Variants in ROBO2 observed in about 807,000 individuals in gnomAD.
ROBO2 encodes the protein roundabout homolog 2.
ROBO2 carries 53 observed loss-of-function variants against 160.8 expected under a neutral mutation model. The observed-to-expected ratio is 0.33, with a 90% CI of 0.26 to 0.41. ROBO2 has a LOEUF of 0.41. Ranked by LOEUF, ROBO2 falls within the 10% of genes least tolerant of loss-of-function variation. The pLI, the probability that ROBO2 is intolerant of heterozygous loss-of-function variation, is 1.00. For synonymous variants in ROBO2, 664 were observed against 611.7 expected, an observed-to-expected ratio of 1.09 and a Z score of -1.26; for missense variants, 1,577 against 1,722.4, an observed-to-expected ratio of 0.92 and a Z score of 1.49.
At chr3:77,312,485 G>A (rs913376363) in intron 2 of ROBO2, among the ~76,000 whole-genome samples, 5 of 152,186 alleles carry the variant, frequency 3.3e-5, no homozygotes, top group Non-Finnish European at 5.9e-5. Flanking sequence ...GTGAATGAGG[G>A]TGTTTTAATT....
chr3:77,584,636 C>T (rs1041348764), intron 16 of ROBO2, among the ~76,000 whole-genome samples: 1 of 151,942 alleles, frequency 6.6e-6, no homozygotes, highest in African/African-American at 2.4e-5. Flanking sequence ...ATATTAAAAG[C>T]ATTGTAGAGA....
intron 1 of ROBO2, among the ~76,000 whole-genome samples, chr3:75,915,073 G>C (rs968638312): frequency 6.6e-6 from 1 of 152,126 alleles, no homozygotes; most frequent in Non-Finnish European, 1.5e-5. Flanking sequence ...GCAACCAACT[G>C]TCTCCTTGTG....
chr3:77,344,485 G>A (rs2067412625), intron 2 of ROBO2, among the ~76,000 whole-genome samples: 1 of 152,122 alleles, frequency 6.6e-6, no homozygotes, highest in Non-Finnish European at 1.5e-5. Context: ...AGAGGCCCAA[G>A]AAAGCTCTCT....
At chr3:76,146,665 C>T (rs2071901095) in intron 2 of ROBO2, among the ~76,000 whole-genome samples, 1 of 150,014 alleles carries the variant, frequency 6.7e-6, no homozygotes, top group African/African-American at 2.4e-5. Context: ...TTAATAGTCC[C>T]CATTCTCACT....
intron 2 of ROBO2, among the ~76,000 whole-genome samples, chr3:76,980,619 G>T (rs1200097611): frequency 6.6e-6 from 1 of 151,816 alleles, no homozygotes; most frequent in Admixed American, 6.6e-5. Flanking sequence ...TTGGGAAGTG[G>T]GTTTAACTTT....
intron 2 of ROBO2, among the ~76,000 whole-genome samples, chr3:77,014,248 T>G (rs371773401): frequency 2.9e-4 from 44 of 152,202 alleles, no homozygotes; most frequent in African/African-American, 9.7e-4. Flanking sequence ...TCCCTGTCTC[T>G]TATTCTACAT....
At chr3:77,305,656 T>C (rs986074403) in intron 2 of ROBO2, among the ~76,000 whole-genome samples, 3 of 152,108 alleles carry the variant, frequency 2.0e-5, no homozygotes, top group Admixed American at 6.5e-5. Context: ...GCCTGAAGAG[T>C]AGCACCTTTC....
chr3:77,584,791 C>T (rs1583106168), intron 16 of ROBO2, among the ~76,000 whole-genome samples: 1 of 151,784 alleles, frequency 6.6e-6, no homozygotes, highest in South Asian at 2.1e-4. Context: ...GAAAGAAATA[C>T]AGGTATACCA....
intron 2 of ROBO2, among the ~76,000 whole-genome samples, chr3:76,212,829 A>G (rs1394693822): frequency 7.5e-6 from 1 of 133,346 alleles, no homozygotes; most frequent in Non-Finnish European, 1.6e-5. Context: ...ATACCTTGGT[A>G]CTAACCCATG....
In ROBO2 at chr3:76,036,306, C is replaced by T. The variant is rs940412937; in HGVS notation, c.109+98704C>T. Among the ~76,000 whole-genome samples, 18 of 150,754 alleles carry T rather than the reference C, an allele frequency of 1.2e-4. 1 individual carries two copies. The highest frequency in any genetic ancestry group is 3.4e-4 in the African/African-American group (14 of 40,828). ...CTGGGATTACAGGCACCTGCCACCA[C>T]GCCCAGTTAATTTTTGTATTTTTAG... On this transcript the variant is annotated intron_variant, in intron 2 of 26. Transcript: ENST00000487694.
chr3:77,483,397 G>T (rs1412320139), intron 4 of ROBO2, among the ~76,000 whole-genome samples: 2 of 151,884 alleles, frequency 1.3e-5, no homozygotes, highest in Admixed American at 1.3e-4. Flanking sequence ...TTAATAGGGA[G>T]GTCTTCTTTA....
chr3:76,072,585 ACC>A (rs2068498353), intron 2 of ROBO2, among the ~76,000 whole-genome samples: 7 of 152,108 alleles, frequency 4.6e-5, no homozygotes, highest in African/African-American at 1.7e-4. Context: ...TGTTTTTAAG[ACC>A]TACAAACTCC....
In ROBO2 at chr3:77,460,659, A is replaced by G. The variant is rs116569242; in HGVS notation, c.389-16755A>G. On this transcript the variant is annotated intron_variant, in intron 2 of 25. Coordinates refer to ENST00000461745, the Ensembl canonical transcript of ROBO2. ...TTTAAATTAGATGCATTTTAATGCAATGCTTTCGTGGTAATGATTTCATTA... is the reference window on the plus strand; with the variant it reads ...TTTAAATTAGATGCATTTTAATGCAGTGCTTTCGTGGTAATGATTTCATTA... Among the ~76,000 whole-genome samples the G allele has an allele frequency of 6.3e-3, 955 of 152,326 alleles. 10 individuals are homozygous for G. The highest frequency in any genetic ancestry group is 0.022 in the African/African-American group (899 of 41,578).
intron 2 of ROBO2, among the ~76,000 whole-genome samples, chr3:76,787,787 T>C (rs878885930): frequency 6.6e-6 from 1 of 151,498 alleles, no homozygotes; most frequent in Admixed American, 6.6e-5. Flanking sequence ...TATTTGGATC[T>C]ACAGCAAGTA....
chr3:77,403,137 CAT>C (rs1274183025), intron 2 of ROBO2, among the ~76,000 whole-genome samples: 4 of 152,274 alleles, frequency 2.6e-5, no homozygotes, highest in East Asian at 1.9e-4. Flanking sequence ...TGGTGTACCA[CAT>C]GTTTTAAAAT....
chr3:76,019,245 A>G (rs1237975403), intron 2 of ROBO2, among the ~76,000 whole-genome samples: 3 of 151,316 alleles, frequency 2.0e-5, no homozygotes, highest in Non-Finnish European at 4.4e-5. Context: ...TATTTGCGTT[A>G]TCGCCTCCCT....
chr3:77,612,930 G>A (rs1395604626), intron 21 of ROBO2, among the ~76,000 whole-genome samples: 1 of 152,060 alleles, frequency 6.6e-6, no homozygotes, highest in South Asian at 2.1e-4. Context: ...TCCAGCCTGG[G>A]TGACAGAGCG....
At chr3:77,208,853 A>C (rs2083751087) in intron 2 of ROBO2, among the ~76,000 whole-genome samples, 1 of 152,212 alleles carries the variant, frequency 6.6e-6, no homozygotes, top group Non-Finnish European at 1.5e-5. Flanking sequence ...GCATGTCCAG[A>C]TGACATTGGG....
intron 2 of ROBO2, among the ~76,000 whole-genome samples, chr3:76,458,480 C>T (rs1454319253): frequency 6.6e-5 from 10 of 152,142 alleles, no homozygotes; most frequent in South Asian, 2.1e-4. Flanking sequence ...CTAGGAAATT[C>T]GAAACTTTCC....
Sources: allele counts gnomAD v4.1 joint callset (sites outside exome capture counted in the v4.1 genomes callset), GRCh38; gene constraint gnomAD v4.1.1; transcripts MANE v1.5; gene names NCBI Gene and HGNC (gene_info 2026-07-23, HGNC 2026-07-21).